AGAP4: variants seen among roughly 807,000 people sequenced by gnomAD.
AGAP4 encodes the protein ArfGAP with GTPase domain, ankyrin repeat and PH domain 4, also known as arf-GAP with GTPase, ANK repeat and PH domain-containing protein 4.
Under a neutral mutation model 60.7 loss-of-function variants are expected in AGAP4, and 13 were observed. The ratio of observed to expected loss-of-function variants is 0.21; its 90% CI spans 0.14 to 0.34. The LOEUF (loss-of-function observed/expected upper bound fraction) is 0.34, where lower values mean the gene tolerates loss of function less well. AGAP4 is among the 10% of genes least tolerant of loss of function. AGAP4 has a pLI of 1.00. For missense variants in AGAP4, 169 were observed against 884.0 expected (o/e 0.19, Z 10.26); for synonymous variants, 70 against 339.0 (o/e 0.21, Z 8.72).
chr10:45,831,322 G>A (rs2135928957), intron 6 of AGAP4, 72 bp downstream of exon 6: 2 of 1,524,326 alleles, frequency 1.3e-6, no homozygotes, highest in East Asian at 2.3e-5. Flanking sequence ...CTAGAGCTGT[G>A]ACCTAACACT....
At chr10:45,846,035 C>A (rs1326715273) in intron 2 of AGAP4, among the ~76,000 whole-genome samples, 2 of 124,100 alleles carry the variant, frequency 1.6e-5, no homozygotes, top group Non-Finnish European at 3.3e-5. Flanking sequence ...CTTTATATTA[C>A]ACATTGAAAG....
intron 7 of AGAP4, among the ~76,000 whole-genome samples, chr10:45,827,761 G>A (rs1257086369): frequency 1.9e-4 from 9 of 46,542 alleles, no homozygotes; most frequent in African/African-American, 5.2e-4. Context: ...ACTCCAGCCT[G>A]GGCTACAGAA....
At position 45,847,468 on chromosome 10, in the gene AGAP4, G is replaced by A; in HGVS notation, c.-121C>T. On this transcript the variant is annotated 5_prime_UTR_variant, in exon 1 of 8. Coordinates refer to ENST00000616763, the MANE Select transcript of AGAP4 (RefSeq NM_001276343.3). ...GAGATGGTCTTCCCGCTCCTCGCCT[G>A]CCCACCTCACAGCGCGGCCCCGGGC... is the stretch of plus-strand genomic sequence containing the variant. 1 of 1,531,026 alleles carries A rather than the reference G, an allele frequency of 6.5e-7. No homozygotes were observed. The highest frequency in any genetic ancestry group is 2.4e-5 in the East Asian group (1 of 40,930). 94.8% of individuals were successfully genotyped at this position (1,531,026 alleles called of 1,614,324 possible).
At chr10:45,853,684 C>T in exon 1 of AGAP4, 2 of 1,287,674 alleles carry the variant, frequency 1.6e-6, no homozygotes, top group South Asian at 2.5e-5. Flanking sequence ...GTCCAGAAGC[C>T]CTTTGGATGT....
intron 4 of AGAP4, chr10:45,841,395 C>T (rs2058916333): frequency 5.6e-6 from 2 of 356,962 alleles, no homozygotes; most frequent in Admixed American, 4.3e-5. Flanking sequence ...AGCCACCATG[C>T]CCAGCCTTAA....
intron 6 of AGAP4, among the ~76,000 whole-genome samples, chr10:45,829,678 G>GA (rs1202876815): frequency 2.0e-5 from 3 of 151,768 alleles, no homozygotes; most frequent in Non-Finnish European, 3.0e-5. Context: ...GTGACAGAGT[G>GA]AAACTCGGTC....
At chr10:45,833,623 T>C (rs1255113606) in intron 5 of AGAP4, among the ~76,000 whole-genome samples, 35 of 149,908 alleles carry the variant, frequency 2.3e-4, no homozygotes, top group African/African-American at 7.9e-4. Context: ...AGATACACTG[T>C]GGTGCCAGAA....
Position 45,825,829 on chromosome 10 carries a change from G to C in AGAP4, c.*86C>G. 1.7e-6 allele frequency: 2 copies of C among 1,166,672 alleles called. No individual in the cohort carries two copies. Among genetic ancestry groups the C allele is most frequent in the Admixed American group, 2.5e-5 (1 of 40,652 alleles). The allele number at this position is 1,166,672 out of a possible 1,614,324, so 72.3% of individuals were successfully genotyped here. On this transcript the variant is annotated 3_prime_UTR_variant, in exon 8 of 8. Coordinates refer to ENST00000616763, the MANE Select transcript of AGAP4 (RefSeq NM_001276343.3). ...GAAAATGCTATTATTAGCTGAATTT[G>C]TGATTTCCTTTTGAAATTCTGAGTT... is the stretch of plus-strand genomic sequence containing the variant.
chr10:45,853,637 A>G (rs2059109743), intron 1 of AGAP4: 2 of 1,286,604 alleles, frequency 1.6e-6, no homozygotes, highest in African/African-American at 1.5e-5. Context: ...ACAGCCATGG[A>G]TCGGGAGACC....
At chr10:45,838,211 A>G (rs2058854694) in intron 4 of AGAP4, among the ~76,000 whole-genome samples, 1 of 149,346 alleles carries the variant, frequency 6.7e-6, no homozygotes, top group East Asian at 2.0e-4. Flanking sequence ...ACCAAATATC[A>G]TGTTCTCTTT....
At chr10:45,831,782 C>G (rs1230256171) in intron 5 of AGAP4, among the ~76,000 whole-genome samples, 2 of 119,398 alleles carry the variant, frequency 1.7e-5, no homozygotes, top group African/African-American at 6.3e-5. Context: ...CTCTCTTGCT[C>G]AGACTGGATT....
chr10:45,834,752 G>A (rs1352203978), intron 4 of AGAP4, among the ~76,000 whole-genome samples: 1 of 135,136 alleles, frequency 7.4e-6, no homozygotes, highest in African/African-American at 3.2e-5. Flanking sequence ...AAAAGCAGCT[G>A]AGAATTTCTA....
At chr10:45,849,737 C>T (rs1289067026), upstream of AGAP4, among the ~76,000 whole-genome samples, 2 of 150,292 alleles carry the variant, frequency 1.3e-5, no homozygotes, top group Non-Finnish European at 3.0e-5. Context: ...GCCTCCTGGG[C>T]TCAAGCGATT....
intron 2 of AGAP4, 89 bp from the exon 3 acceptor site, chr10:45,844,483 T>C: frequency 6.4e-7 from 1 of 1,573,238 alleles, no homozygotes; most frequent in Non-Finnish European, 8.6e-7. Context: ...ATTTAGGCTA[T>C]TTCACTATCT....
intron 4 of AGAP4, among the ~76,000 whole-genome samples, chr10:45,840,726 G>A (rs1268254868): frequency 4.6e-5 from 4 of 86,984 alleles, no homozygotes; most frequent in African/African-American, 1.5e-4. Flanking sequence ...AGCACCCAGA[G>A]GCTACTTAAC....
intron 6 of AGAP4, among the ~76,000 whole-genome samples, chr10:45,830,633 G>A (rs1245018947): frequency 3.2e-5 from 4 of 125,142 alleles, no homozygotes; most frequent in African/African-American, 9.2e-5. Context: ...CTACAGGTGC[G>A]TGCCATCATG....
At chr10:45,834,922 C>T (rs2135937913) in intron 4 of AGAP4, among the ~76,000 whole-genome samples, 1 of 147,298 alleles carries the variant, frequency 6.8e-6, no homozygotes, top group African/African-American at 2.7e-5. Context: ...TACAGGCGCC[C>T]ACCACCGTGC....
rs1279466259 is a variant in AGAP4, at chr10:45,853,305, C to T, written n.221+350G>A. ...CTATGAAGTCCTGTCCCTTTAGAAG[C>T]GAATAATAGTCTTCCACATTCTTGA... On this transcript the variant is annotated intron_variant and non_coding_transcript_variant, in intron 1 of 9. Transcript: ENST00000430779. 3.3e-5 allele frequency among the ~76,000 whole-genome samples: 5 copies of T among 151,066 alleles called. No homozygotes were observed. The East Asian group carries it at 7.8e-4, about 24-fold the overall frequency.
At chr10:45,839,983 G>A (rs1224477762) in intron 4 of AGAP4, among the ~76,000 whole-genome samples, 1 of 150,190 alleles carries the variant, frequency 6.7e-6, no homozygotes, top group African/African-American at 2.5e-5. Flanking sequence ...CAGGCGTACT[G>A]GTCTAAGCAG....
Sources: allele counts gnomAD v4.1 joint callset (sites outside exome capture counted in the v4.1 genomes callset), GRCh38; gene constraint gnomAD v4.1.1; transcripts MANE v1.5; gene names NCBI Gene and HGNC (gene_info 2026-07-23, HGNC 2026-07-21).